The following RNF185 variants were observed in gnomAD, a reference collection of about 807,000 sequenced individuals.
RNF185 encodes E3 ubiquitin-protein ligase RNF185.
Under a neutral mutation model 24.9 loss-of-function variants are expected in RNF185, and 13 were observed. The observed-to-expected ratio is 0.52, with a 90% CI of 0.34 to 0.83. RNF185 has a LOEUF of 0.83. RNF185 is among the 40% of genes least tolerant of loss of function. The pLI, the probability that RNF185 is intolerant of heterozygous loss-of-function variation, is 0.01. For missense variants in RNF185, 184 were observed against 244.7 expected, an observed-to-expected ratio of 0.75 and a Z score of 1.65; for synonymous variants, 79 against 90.3, an observed-to-expected ratio of 0.88 and a Z score of 0.71.
At chr22:31,189,135 A>AATATGTGTGTGTGTG (rs1555882536) in intron 2 of RNF185, among the ~76,000 whole-genome samples, 1 of 136,870 alleles carries the variant, frequency 7.3e-6, no homozygotes, top group Non-Finnish European at 1.6e-5. Context: ...CAAAAAAAAA[A>AATATGTGTGTGTGTG]TGTGTGTGTG....
chr22:31,176,192 A>G, intron 1 of RNF185, among the ~76,000 whole-genome samples: 1 of 151,542 alleles, frequency 6.6e-6, no homozygotes. Flanking sequence ...AATATTTTTG[A>G]CCTCTTTTTT....
intron 1 of RNF185, among the ~76,000 whole-genome samples, chr22:31,167,610 CTTTTTTTTTT>C (rs150121453): frequency 1.9e-5 from 2 of 107,364 alleles, no homozygotes; most frequent in African/African-American, 7.9e-5. Flanking sequence ...GGGTTTTTTC[CTTTTTTTTTT>C]TTTTTTTTTT....
intron 5 of RNF185, among the ~76,000 whole-genome samples, chr22:31,199,830 G>A (rs2048243394): frequency 1.3e-5 from 2 of 152,184 alleles, no homozygotes; most frequent in Admixed American, 1.3e-4. Context: ...TATAGGTGAT[G>A]CCATCTGGCA....
rs1029321462 is a variant in RNF185, at chr22:31,183,992, G to C, written c.-48-3055G>C. Among the ~76,000 whole-genome samples, 12 of 145,442 alleles carry C rather than the reference G, an allele frequency of 8.3e-5. 1 individual carries two copies. The highest frequency in any genetic ancestry group is 2.8e-4 in the African/African-American group (11 of 38,908). ...CGGGGGCTGCCCCGAGCTCCCGGAC[G>C]GGGCAGCTGGCCGGGCGGGGGCTGC... On this transcript the variant is annotated intron_variant, in intron 1 of 6. Coordinates refer to ENST00000326132, the MANE Select transcript of RNF185 (RefSeq NM_152267.4).
intron 1 of RNF185, among the ~76,000 whole-genome samples, chr22:31,176,460 A>G (rs1452889318): frequency 6.8e-6 from 1 of 146,546 alleles, no homozygotes; most frequent in South Asian, 2.2e-4. Flanking sequence ...TCAACTTTGT[A>G]TACAATTTTA....
intron 1 of RNF185, among the ~76,000 whole-genome samples, chr22:31,178,131 C>T (rs2048000897): frequency 6.6e-6 from 1 of 152,126 alleles, no homozygotes; most frequent in African/African-American, 2.4e-5. Context: ...CATGTGTTGC[C>T]CTGGACATCT....
chr22:31,160,577 C>A (rs1361408209), intron 1 of RNF185, among the ~76,000 whole-genome samples: 3 of 152,208 alleles, frequency 2.0e-5, no homozygotes, highest in Admixed American at 6.5e-5. Flanking sequence ...CCCATTCTAT[C>A]CCCCGTGCGA....
chr22:31,187,683 G>A (rs147182463), intron 2 of RNF185, among the ~76,000 whole-genome samples: 7 of 152,264 alleles, frequency 4.6e-5, no homozygotes, highest in East Asian at 1.9e-4. Context: ...TTACAGGGTC[G>A]TTTGCAAGCA....
intron 1 of RNF185, among the ~76,000 whole-genome samples, chr22:31,165,845 T>TA (rs1258545327): frequency 6.6e-6 from 1 of 152,230 alleles, no homozygotes; most frequent in African/African-American, 2.4e-5. Flanking sequence ...TGCTCAGGAC[T>TA]AGCTGCTCAT....
intron 3 of RNF185, among the ~76,000 whole-genome samples, chr22:31,194,595 G>T (rs1464923829): frequency 6.6e-6 from 1 of 152,046 alleles, no homozygotes; most frequent in Non-Finnish European, 1.5e-5. Flanking sequence ...GGGCGCAGTG[G>T]TGGGCGCCTG....
At chr22:31,184,601 G>A (rs2048078593) in intron 1 of RNF185, among the ~76,000 whole-genome samples, 1 of 152,132 alleles carries the variant, frequency 6.6e-6, no homozygotes, top group Admixed American at 6.6e-5. Flanking sequence ...CCGAGATCAC[G>A]CCACTGCACT....
chr22:31,201,650 A>C (rs746199594), intron 6 of RNF185, 35 bp downstream of exon 6: 4 of 1,450,266 alleles, frequency 2.8e-6, no homozygotes, highest in Non-Finnish European at 3.9e-6. Flanking sequence ...TTAGGAAGAT[A>C]TCTTAGTAAT....
intron 1 of RNF185, among the ~76,000 whole-genome samples, chr22:31,181,356 A>G (rs903524514): frequency 6.6e-6 from 1 of 152,134 alleles, no homozygotes; most frequent in African/African-American, 2.4e-5. Flanking sequence ...AAAAGAAAAA[A>G]AAAATACCTT....
chr22:31,172,515 G>A (rs528469935), intron 1 of RNF185, among the ~76,000 whole-genome samples: 27 of 152,202 alleles, frequency 1.8e-4, no homozygotes, highest in African/African-American at 6.5e-4. Context: ...TTGGGAGGCC[G>A]AGGCAGGCGC....
intron 1 of RNF185, among the ~76,000 whole-genome samples, chr22:31,169,888 A>C (rs1432645138): frequency 6.6e-6 from 1 of 152,172 alleles, no homozygotes; most frequent in Non-Finnish European, 1.5e-5. Flanking sequence ...TGTAGATGAC[A>C]GGAGTCCATC....
intron 1 of RNF185, among the ~76,000 whole-genome samples, chr22:31,175,562 A>G (rs943292719): frequency 6.6e-6 from 1 of 152,138 alleles, no homozygotes; most frequent in African/African-American, 2.4e-5. Context: ...AAATTGGCAC[A>G]TCTTCCCTGG....
intron 1 of RNF185, among the ~76,000 whole-genome samples, chr22:31,164,442 A>T (rs1170407803): frequency 6.6e-6 from 1 of 152,142 alleles, no homozygotes; most frequent in African/African-American, 2.4e-5. Context: ...ATTACTAGCT[A>T]ATCTAGAGAC....
In RNF185 at chr22:31,205,452, T is replaced by C. The variant is rs548199142; in HGVS notation, c.*866T>C. The stretch of plus-strand genomic sequence containing the variant: ...TAGGAAAGACCTGGAGTCAGGACTT[T>C]GGTGGGATTTGGAGCTCCGAGGCAG... On this transcript the variant is annotated 3_prime_UTR_variant, in exon 7 of 7. Transcript: ENST00000326132. The C allele has an allele frequency of 5.0e-3, 784 of 155,800 alleles. 7 individuals are homozygous for C. The highest frequency in any genetic ancestry group is 0.011 in the South Asian group (51 of 4,824). The allele number at this position is 155,800 out of a possible 1,614,324, so 9.7% of individuals were successfully genotyped here.
At chr22:31,179,127 A>G (rs1602809182) in intron 1 of RNF185, among the ~76,000 whole-genome samples, 1 of 152,212 alleles carries the variant, frequency 6.6e-6, no homozygotes, top group Admixed American at 6.5e-5. Flanking sequence ...GAGGCACAGA[A>G]CTAGCCACAA....
Sources: allele counts gnomAD v4.1 joint callset (sites outside exome capture counted in the v4.1 genomes callset), GRCh38; gene constraint gnomAD v4.1.1; transcripts MANE v1.5; gene names NCBI Gene and HGNC (gene_info 2026-07-23, HGNC 2026-07-21).